Variants in WNK1 observed in about 807,000 individuals in gnomAD.
WNK1 encodes the protein serine/threonine-protein kinase WNK1.
Under a neutral mutation model 222.8 loss-of-function variants are expected in WNK1, and 38 were observed. The observed-to-expected ratio is 0.17, with a 90% CI of 0.13 to 0.22. The LOEUF (loss-of-function observed/expected upper bound fraction) is 0.22. WNK1 is among the 10% of genes least tolerant of loss of function. The probability of loss-of-function intolerance (pLI) is 1.00; values close to 1 mark genes in which losing one functional copy is unlikely to be tolerated. For missense variants in WNK1, 2,348 were observed against 2,918.4 expected, an observed-to-expected ratio of 0.80 and a Z score of 4.50; for synonymous variants, 1,090 against 1,092.9, an observed-to-expected ratio of 1.00 and a Z score of 0.05.
At chr12:897,807 T>A in intron 25 of WNK1, 126 bp downstream of exon 25, 1 of 994,502 alleles carries the variant, frequency 1.0e-6, no homozygotes, top group Non-Finnish European at 1.5e-6. Context: ...CTCCTGATAT[T>A]TTTGCTTCCT....
intron 23 of WNK1, among the ~76,000 whole-genome samples, chr12:895,200 G>C (rs1236808752): frequency 6.6e-6 from 1 of 152,142 alleles, no homozygotes; most frequent in Non-Finnish European, 1.5e-5. Context: ...GGGGAGAGTA[G>C]GTGATATTTT....
intron 1 of WNK1, among the ~76,000 whole-genome samples, chr12:792,384 C>T (rs1188666290): frequency 7.0e-6 from 1 of 142,744 alleles, no homozygotes; most frequent in Non-Finnish European, 1.5e-5. Context: ...GCAATCTCGG[C>T]TCACTGCAGC....
At chr12:772,364 A>C (rs1021503213) in intron 1 of WNK1, among the ~76,000 whole-genome samples, 7 of 152,140 alleles carry the variant, frequency 4.6e-5, no homozygotes, top group African/African-American at 1.7e-4. Flanking sequence ...TTTTTAGATT[A>C]AAAAGCAGCA....
intron 9 of WNK1, among the ~76,000 whole-genome samples, chr12:877,603 T>C (rs980546014): frequency 7.2e-5 from 11 of 152,194 alleles, no homozygotes; most frequent in Admixed American, 1.3e-4. Context: ...ATAATGTCCT[T>C]GTTTCAAAAA....
chr12:908,610 C>A lies in WNK1; in HGVS notation c.6967C>A (p.Pro2323Thr), dbSNP rs1420629830. 2.5e-6 allele frequency: 4 copies of A among 1,614,188 alleles called. No homozygotes were observed. The East Asian group carries it at 6.7e-5, about 27-fold the overall frequency. ...LGHFTKSMCP[P>T]QQYGFPATPF... is the part of the protein sequence containing the mutation. ...TCACTTCACCAAGTCTATGTGCCCCCCACAGCAGTATGGCTTTCCAGCTAC... is the reference window on the plus strand; with the variant it reads ...TCACTTCACCAAGTCTATGTGCCCCACACAGCAGTATGGCTTTCCAGCTAC... Residue 2323 changes from proline (P) to threonine (T), a missense_variant, in exon 28 of 28, where the codon CCA (proline) becomes ACA (threonine). Pro to Thr is a conservative substitution (Grantham distance 38). Transcript: ENST00000315939.
At chr12:835,347 A>G (rs898200838) in intron 4 of WNK1, among the ~76,000 whole-genome samples, 4 of 151,816 alleles carry the variant, frequency 2.6e-5, no homozygotes, top group African/African-American at 9.7e-5. Context: ...TAAAAAAACA[A>G]CAAAAAAACC....
At chr12:835,839 A>G (rs1467565622) in intron 4 of WNK1, among the ~76,000 whole-genome samples, 16 of 152,186 alleles carry the variant, frequency 1.1e-4, no homozygotes, top group Admixed American at 1.0e-3. Flanking sequence ...CTGTAGTTGC[A>G]GCTACTTGGG....
At chr12:771,126 T>C (rs1942429298) in intron 1 of WNK1, among the ~76,000 whole-genome samples, 1 of 152,080 alleles carries the variant, frequency 6.6e-6, no homozygotes, top group African/African-American at 2.4e-5. Context: ...GCCTCCTGAT[T>C]AGCTGGGACT....
chr12:906,075 G>A (rs1304903683), intron 26 of WNK1, among the ~76,000 whole-genome samples: 7 of 152,282 alleles, frequency 4.6e-5, no homozygotes, highest in South Asian at 4.1e-4. Flanking sequence ...GCAGGATTGC[G>A]TTAGGTGTGC....
chr12:900,826 A>G, intron 26 of WNK1, 156 bp downstream of exon 26: 1 of 926,084 alleles, frequency 1.1e-6, no homozygotes, highest in Non-Finnish European at 1.7e-6. Flanking sequence ...AAGTGGAGTG[A>G]TAATGAGAAT....
At chr12:802,853 C>T (rs933463505) in intron 1 of WNK1, among the ~76,000 whole-genome samples, 2 of 152,146 alleles carry the variant, frequency 1.3e-5, no homozygotes, top group Non-Finnish European at 2.9e-5. Context: ...TTTTGTCAGA[C>T]TCTGCAGCCA....
chr12:882,032 C>G lies in WNK1; in HGVS notation c.3331C>G (p.Arg1111Gly). 6.2e-7 allele frequency: 1 copy of G among 1,613,836 alleles called. No individual in the cohort carries two copies. Among genetic ancestry groups the G allele is most frequent in the South Asian group, 1.1e-5 (1 of 91,036 alleles). ...HYRKSVRSRS[R>G]HEKTSRPKLR... ...CCGAAAATCTGTAAGGAGTCGCTCTCGACATGAAAAAACTTCACGCCCAAA... is the reference window on the plus strand; with the variant it reads ...CCGAAAATCTGTAAGGAGTCGCTCTGGACATGAAAAAACTTCACGCCCAAA... The change falls in exon 14 of 28, where the codon CGA becomes GGA. Residue 1111 changes from arginine to glycine, a missense_variant. Physicochemically the swap from Arg to Gly is moderately radical, Grantham distance 125. Transcript: ENST00000315939.
chr12:799,709 C>T (rs539825697), intron 1 of WNK1, among the ~76,000 whole-genome samples: 84 of 151,918 alleles, frequency 5.5e-4, no homozygotes, highest in Non-Finnish European at 8.7e-4. Flanking sequence ...TTTTTTGAGA[C>T]GGAATCTTGC....
chr12:880,281 T>C (rs1472258960), intron 11 of WNK1, among the ~76,000 whole-genome samples: 1 of 152,212 alleles, frequency 6.6e-6, no homozygotes, highest in Non-Finnish European at 1.5e-5. Flanking sequence ...GAATGCTAGA[T>C]GTGGTTAATA....
At chr12:791,458 G>T (rs1440322109) in intron 1 of WNK1, among the ~76,000 whole-genome samples, 1 of 151,766 alleles carries the variant, frequency 6.6e-6, no homozygotes, top group Admixed American at 6.6e-5. Flanking sequence ...GTACAGTATG[G>T]TTCTTTATCT....
chr12:887,702 C>G lies in WNK1; in HGVS notation c.5364+398C>G, dbSNP rs138988799. Among the ~76,000 whole-genome samples the G allele has an allele frequency of 9.0e-4, 137 of 152,256 alleles. 1 individual carries two copies. Among genetic ancestry groups the G allele is most frequent in the East Asian group, 7.0e-3 (36 of 5,178 alleles). On this transcript the variant is annotated intron_variant, in intron 20 of 27. Coordinates refer to ENST00000315939, the MANE Select transcript of WNK1 (RefSeq NM_018979.4). ...GAAGCACAATATGGCAACTGAGAAA[C>G]TTTTTCCGCGAGTCCAGAGCAACCA...
At chr12:777,395 T>C (rs563829998) in intron 1 of WNK1, among the ~76,000 whole-genome samples, 1 of 152,164 alleles carries the variant, frequency 6.6e-6, no homozygotes, top group Non-Finnish European at 1.5e-5. Context: ...CCTGAGGTAG[T>C]GATGTGCCTG....
rs755112016 is a variant in WNK1 at position 867,936 on chromosome 12, T to C, written c.2140-3329T>C. The C allele has an allele frequency of 6.8e-6, 11 of 1,613,846 alleles. No homozygotes were observed. The South Asian group carries it at 1.1e-4, about 16-fold the overall frequency. On this transcript the variant is annotated intron_variant, in intron 8 of 27. Transcript: ENST00000315939. ...GAATCACAGATATTTTTCCCAACTA[T>C]TCATGAACGTCCAGTTTCTTTTTCA...
chr12:758,788 T>C (rs922504462), intron 1 of WNK1, among the ~76,000 whole-genome samples: 19 of 147,006 alleles, frequency 1.3e-4, no homozygotes, highest in African/African-American at 4.6e-4. Context: ...AGTCACCGAT[T>C]AGGAGTATTG....
Sources: gnomAD v4.1 joint callset for allele counts (sites outside exome capture counted in the v4.1 genomes callset) on GRCh38, gnomAD v4.1.1 for gene constraint, MANE v1.5 for transcripts, NCBI Gene and HGNC (gene_info 2026-07-23, HGNC 2026-07-21) for gene names.